Variants in DMXL2 observed in about 807,000 individuals in gnomAD.
DMXL2 encodes Dmx like 2.
A neutral mutation model predicts 331.1 loss-of-function variants in DMXL2; 103 were observed. The observed-to-expected ratio is 0.31, with a 90% CI of 0.27 to 0.37. The LOEUF (loss-of-function observed/expected upper bound fraction) is 0.37, where lower values mean the gene tolerates loss of function less well. Ranked by LOEUF, DMXL2 falls within the 10% of genes least tolerant of loss-of-function variation. The pLI is 1.00. For synonymous variants in DMXL2, 1,281 were observed against 1,252.1 expected, an observed-to-expected ratio of 1.02 and a Z score of -0.49; for missense variants, 3,171 against 3,642.9, an observed-to-expected ratio of 0.87 and a Z score of 3.33.
chr15:51,474,974 A>G (rs2041444808), intron 27 of DMXL2, among the ~76,000 whole-genome samples: 1 of 152,214 alleles, frequency 6.6e-6, no homozygotes, highest in African/African-American at 2.4e-5. Flanking sequence ...AATATTTTAC[A>G]CAGTCTCAAA....
intron 22 of DMXL2, 88 bp from the exon 23 acceptor site, chr15:51,486,425 C>T (rs560122420): frequency 2.6e-5 from 26 of 995,306 alleles, no homozygotes; most frequent in Non-Finnish European, 3.7e-5. Flanking sequence ...AAATTATCTA[C>T]CATTTATATC....
At position 51,499,789 on chromosome 15, in the gene DMXL2, CA is replaced by C; in HGVS notation, c.3434del (p.Leu1145ArgfsTer11). The C allele has an allele frequency of 6.2e-7, 1 of 1,614,128 alleles. No homozygotes were observed. Among genetic ancestry groups the C allele is most frequent in the Non-Finnish European group, 8.5e-7 (1 of 1,180,014 alleles). On this transcript the variant is annotated frameshift_variant, in exon 18 of 44. Coordinates refer to ENST00000560891, the MANE Select transcript of DMXL2 (RefSeq NM_001378457.1). LOFTEE classifies it high-confidence loss of function. Reference protein sequence around the residue: ...LDSRVSVDSNLFVYSKSDALL... With the variant: ...LDSRVSVDSNXFVYSKSDALL... ...GTGCATCTGACTTGCTATACACAAA[CA>C]GATTACTGTCGACGCTGACCCTTGA...
At position 51,622,632 on chromosome 15, in the gene DMXL2, C is replaced by G; in HGVS notation, c.-87G>C. The G allele has an allele frequency of 6.8e-7, 1 of 1,461,696 alleles. No homozygotes were observed. Among genetic ancestry groups the G allele is most frequent in the Non-Finnish European group, 9.1e-7 (1 of 1,101,854 alleles). The allele number at this position is 1,461,696 out of a possible 1,614,324, so 90.5% of individuals were successfully genotyped here. ...CTCGGGCTGCGAGAGCCGTTTCCCT[C>G]TGTGCCTCCCTCGGAAACCCGCCCC... On this transcript the variant is annotated 5_prime_UTR_variant, in exon 1 of 44. Transcript: ENST00000560891.
intron 13 of DMXL2, among the ~76,000 whole-genome samples, chr15:51,517,400 A>G (rs1405816099): frequency 1.3e-5 from 2 of 152,250 alleles, no homozygotes; most frequent in South Asian, 4.1e-4. Flanking sequence ...TCAAGGTATC[A>G]TATCTTCTTC....
chr15:51,576,417 G>T lies in DMXL2; in HGVS notation c.88-236C>A, dbSNP rs1595585289. ...CAACAACTGTTACTAATAGGAAAAG[G>T]GTTCTTCCAGTTCTTAGAACAGCCA... is the stretch of plus-strand genomic sequence containing the variant. On this transcript the variant is annotated intron_variant, in intron 1 of 43. Transcript: ENST00000560891. 2.6e-5 allele frequency among the ~76,000 whole-genome samples: 4 copies of T among 152,014 alleles called. 1 individual carries two copies.
chr15:51,472,029 G>C (rs886656392), intron 28 of DMXL2, among the ~76,000 whole-genome samples: 1 of 152,178 alleles, frequency 6.6e-6, no homozygotes, highest in African/African-American at 2.4e-5. Context: ...ATCAATTAGA[G>C]AGGAAGATGG....
At position 51,456,046 on chromosome 15, in the gene DMXL2, AG is replaced by A. The variant is rs1359560180; in HGVS notation, c.8526+19del. ...ACAACTATTTTCAGATGAATTCAGCAGTAGCCCCCAGAAACTAACCTTGTTG... is the reference window on the plus strand; with the variant it reads ...ACAACTATTTTCAGATGAATTCAGCATAGCCCCCAGAAACTAACCTTGTTG... On this transcript the variant is annotated intron_variant, in intron 39 of 43. Transcript: ENST00000560891. 1 of 1,612,928 alleles carries A rather than the reference AG, an allele frequency of 6.2e-7. No homozygotes were observed. The highest frequency in any genetic ancestry group is 1.1e-5 in the South Asian group (1 of 90,982).
intron 18 of DMXL2, 101 bp downstream of exon 18, chr15:51,498,451 T>G: frequency 1.6e-6 from 2 of 1,232,206 alleles, no homozygotes; most frequent in Non-Finnish European, 2.2e-6. Context: ...CCCTGCAAAG[T>G]TTGAAAGTTG....
At position 51,536,845 on chromosome 15, in the gene DMXL2, C is replaced by T. The variant is rs1266877975; in HGVS notation, c.1635G>A (p.Arg545=). 1.9e-6 allele frequency: 3 copies of T among 1,598,976 alleles called. No individual in the cohort carries two copies. The South Asian group carries it at 3.4e-5, about 18-fold the overall frequency. The change falls in exon 12 of 44, where the codon CGG becomes CGA. Residue 545 remains arginine, a synonymous_variant. Coordinates refer to ENST00000560891, the MANE Select transcript of DMXL2 (RefSeq NM_001378457.1). ...FRQVQVSFSS[R]IPVAFPSGDA... ...CACCAGAGGGAAATGCAACAGGAAT[C>T]CGAGAAGAAAAAGAAACCTGAAAAA...
intron 43 of DMXL2, among the ~76,000 whole-genome samples, chr15:51,449,708 T>C (rs760944798): frequency 2.6e-5 from 4 of 152,174 alleles, no homozygotes; most frequent in Non-Finnish European, 5.9e-5. Context: ...TAACTTATAA[T>C]GGGTTTGTTG....
intron 39 of DMXL2, among the ~76,000 whole-genome samples, chr15:51,455,453 C>G (rs765822430): frequency 1.3e-5 from 2 of 152,104 alleles, no homozygotes; most frequent in Non-Finnish European, 2.9e-5. Flanking sequence ...GGCTGGAGTG[C>G]AGTAGTGCAA....
At position 51,611,799 on chromosome 15, in the gene DMXL2, T is replaced by A. The variant is rs952015443; in HGVS notation, c.87+10660A>T. Reference sequence around the variant, plus strand: ...ACAAGAGGATTGTAAAATGCACCAATCAGCGCTCTGTAAAACACACCAATC... The same window carrying A: ...ACAAGAGGATTGTAAAATGCACCAAACAGCGCTCTGTAAAACACACCAATC... On this transcript the variant is annotated intron_variant, in intron 1 of 43. Transcript: ENST00000560891. Among the ~76,000 whole-genome samples, 3 of 152,234 alleles carry A rather than the reference T, an allele frequency of 2.0e-5. No individual in the cohort carries two copies. The South Asian group carries it at 6.2e-4, about 32-fold the overall frequency.
chr15:51,574,945 G>C (rs572269282), intron 2 of DMXL2, among the ~76,000 whole-genome samples: 15 of 152,234 alleles, frequency 9.9e-5, no homozygotes, highest in African/African-American at 3.1e-4. Flanking sequence ...ACCTTGCTTG[G>C]CCTAGAGAGA....
At position 51,563,603 on chromosome 15, in the gene DMXL2, AT is replaced by A. The variant is rs2050099002; in HGVS notation, c.501-157del. On this transcript the variant is annotated intron_variant, in intron 5 of 43. Coordinates refer to ENST00000560891, the MANE Select transcript of DMXL2 (RefSeq NM_001378457.1). ...AATATAAATAAAATATTTCACCTCC[AT>A]AAAAATGTAAATTTATTAAAACTAA... Among the ~76,000 whole-genome samples, 2 of 152,144 alleles carry A rather than the reference AT, an allele frequency of 1.3e-5. 1 individual carries two copies. Among genetic ancestry groups the A allele is most frequent in the Non-Finnish European group, 2.9e-5 (2 of 67,964 alleles).
rs748606071 is a variant in DMXL2, at chr15:51,536,826, A to G, written c.1654T>C (p.Ser552Pro). Reference sequence around the variant, plus strand: ...TTACTAAGAGAGCTTGCATCACCAGAGGGAAATGCAACAGGAATCCGAGAA... The same window carrying G: ...TTACTAAGAGAGCTTGCATCACCAGGGGGAAATGCAACAGGAATCCGAGAA... ...FSSRIPVAFP[S>P]GDASSLSKNI... Residue 552 changes from serine (S) to proline (P), a missense_variant, in exon 12 of 44, where the codon TCT becomes CCT. Ser to Pro is a moderately conservative substitution (Grantham distance 74). This residue lies in a region of DMXL2 where 1,674 missense variants were observed against 1,780.2 expected (regional missense o/e 0.94). Coordinates refer to ENST00000560891, the MANE Select transcript of DMXL2 (RefSeq NM_001378457.1). 7 of 1,610,754 alleles carry G rather than the reference A, an allele frequency of 4.3e-6. No homozygotes were observed. The Admixed American group carries it at 8.4e-5, about 19-fold the overall frequency.
chr15:51,532,805 G>A (rs1432644748), intron 13 of DMXL2, among the ~76,000 whole-genome samples: 1 of 152,154 alleles, frequency 6.6e-6, no homozygotes, highest in African/African-American at 2.4e-5. Flanking sequence ...GGAGTTGGAA[G>A]TTTTAGTCAC....
chr15:51,456,348 T>A lies in DMXL2; in HGVS notation c.8359A>T (p.Asn2787Tyr). ...ASVLMKRNLH[N>Y]VKRMTSHPVH... ...GGGTGTGAAGTCATTCTCTTAACAT[T>A]ATGTAGATTCCTTTTCATAAGCTTT... The change falls in exon 38 of 44, where the codon AAT (asparagine) becomes TAT (tyrosine). Residue 2787 changes from asparagine (N) to tyrosine (Y), a missense_variant. Coordinates refer to ENST00000560891, the MANE Select transcript of DMXL2 (RefSeq NM_001378457.1). The A allele has an allele frequency of 6.3e-7, 1 of 1,591,130 alleles. No individual in the cohort carries two copies. The highest frequency in any genetic ancestry group is 8.5e-7 in the Non-Finnish European group (1 of 1,170,982).
intron 1 of DMXL2, among the ~76,000 whole-genome samples, chr15:51,591,935 C>A (rs1002668864): frequency 1.3e-5 from 2 of 152,072 alleles, no homozygotes; most frequent in African/African-American, 4.8e-5. Flanking sequence ...TCATCAAAGA[C>A]CAAAGGTAGA....
chr15:51,554,315 A>C (rs997040077), intron 6 of DMXL2, among the ~76,000 whole-genome samples: 1 of 152,356 alleles, frequency 6.6e-6, no homozygotes, highest in East Asian at 1.9e-4. Flanking sequence ...GAGTAACAAA[A>C]AAAAGACAAA....
Sources: gnomAD v4.1 joint callset for allele counts (sites outside exome capture counted in the v4.1 genomes callset) on GRCh38, gnomAD v4.1.1 for gene constraint, gnomAD v4.1.1 regional missense constraint, MANE v1.5 for transcripts, NCBI Gene and HGNC (gene_info 2026-07-23, HGNC 2026-07-21) for gene names.